Variants in FAT4 observed in about 807,000 individuals in gnomAD.
FAT4 encodes the protein FAT atypical cadherin 4, also known as protocadherin Fat 4.
FAT4 carries 84 observed loss-of-function variants against 303.9 expected under a neutral mutation model. The observed-to-expected ratio is 0.28, with a 90% confidence interval of 0.23 to 0.33. The LOEUF (loss-of-function observed/expected upper bound fraction) is 0.33, where lower values mean the gene tolerates loss of function less well. Ranked by LOEUF, FAT4 falls within the 10% of genes least tolerant of loss-of-function variation. The pLI, the probability that FAT4 is intolerant of heterozygous loss-of-function variation, is 1.00. For synonymous variants in FAT4, 2,307 were observed against 2,298.8 expected, an observed-to-expected ratio of 1.00 and a Z score of -0.10; for missense variants, 6,005 against 6,146.8, an observed-to-expected ratio of 0.98 and a Z score of 0.77.
rs923452862 is a variant in FAT4, at chr4:125,487,752, T to C, written c.13084+146T>C. The C allele has an allele frequency of 5.2e-6, 4 of 765,268 alleles. No homozygotes were observed. In the African/African-American group the frequency reaches 7.2e-5, roughly 14 times the overall value. 47.4% of individuals were successfully genotyped at this position (765,268 alleles called of 1,614,324 possible). A position where few individuals can be genotyped will look rare whatever the true frequency, so the allele number is the denominator to read the frequency against. On this transcript the variant is annotated intron_variant, in intron 17 of 17. Coordinates refer to ENST00000394329, the MANE Select transcript of FAT4 (RefSeq NM_001291303.3). ...TCAATAAAATTTATGTTTAAAAAAGTAGTTTGATGTCTGATAATATCAATT... is the reference window on the plus strand; with the variant it reads ...TCAATAAAATTTATGTTTAAAAAAGCAGTTTGATGTCTGATAATATCAATT...
intron 8 of FAT4, 198 bp from the exon 9 acceptor site, chr4:125,446,095 G>A (rs540847581): frequency 3.1e-5 from 15 of 482,354 alleles, no homozygotes; most frequent in South Asian, 1.6e-4. Context: ...GACATCTCAC[G>A]ATAAAGACTG....
At position 125,449,863 on chromosome 4, in the gene FAT4, T is replaced by A; in HGVS notation, c.8853T>A (p.His2951Gln). The change falls in exon 10 of 18, where the codon CAT (histidine) becomes CAA (glutamine). Residue 2951 changes from histidine to glutamine, a missense_variant. Coordinates refer to ENST00000394329, the MANE Select transcript of FAT4 (RefSeq NM_001291303.3). The part of the protein sequence containing the change: ...TGFSNVNINR[H>Q]SFIVTSSDRG... Reference sequence around the variant, plus strand: ...TCAGTAATGTGAATATCAACAGGCATAGTTTTATAGTGACATCTTCAGATC... The same window carrying A: ...TCAGTAATGTGAATATCAACAGGCAAAGTTTTATAGTGACATCTTCAGATC... 1 of 1,613,924 alleles carries A rather than the reference T, an allele frequency of 6.2e-7. No homozygotes were observed.
intron 2 of FAT4, among the ~76,000 whole-genome samples, chr4:125,373,037 C>G (rs1242222137): frequency 6.6e-6 from 1 of 151,960 alleles, no homozygotes; most frequent in Admixed American, 6.6e-5. Flanking sequence ...TAAAACATTA[C>G]CTTTTATTAT....
intron 2 of FAT4, among the ~76,000 whole-genome samples, chr4:125,392,306 A>G (rs1260249990): frequency 6.6e-6 from 1 of 152,136 alleles, no homozygotes; most frequent in Non-Finnish European, 1.5e-5. Context: ...GAGACAATTA[A>G]TTTTGGAGTG....
chr4:125,387,993 T>C (rs904251306), intron 2 of FAT4, among the ~76,000 whole-genome samples: 1 of 152,316 alleles, frequency 6.6e-6, no homozygotes, highest in South Asian at 2.1e-4. Flanking sequence ...TTCTCTAGGC[T>C]AGACTCAACT....
At chr4:125,467,614 T>C (rs1306977475) in intron 11 of FAT4, among the ~76,000 whole-genome samples, 3 of 152,200 alleles carry the variant, frequency 2.0e-5, no homozygotes, top group Non-Finnish European at 4.4e-5. Context: ...TAGCCTGCTA[T>C]AAATCATACC....
Position 125,320,350 on chromosome 4 carries a change from T to G in FAT4, c.3939T>G (p.Pro1313=), listed in dbSNP as rs1045111379. ...TTTTAGATGAAAATGACAATACCCC[T>G]TCTTTCCCTAAATCAACACTCTTTG... ...IDILDENDNT[P]SFPKSTLFVD... The change falls in exon 2 of 18, where the codon CCT becomes CCG. Residue 1313 remains proline, a synonymous_variant. Coordinates refer to ENST00000394329, the MANE Select transcript of FAT4 (RefSeq NM_001291303.3). The G allele has an allele frequency of 9.9e-6, 16 of 1,613,846 alleles. No individual in the cohort carries two copies. In the Admixed American group the frequency reaches 2.3e-4, roughly 24 times the overall value.
intron 10 of FAT4, among the ~76,000 whole-genome samples, chr4:125,460,663 A>G (rs889666045): frequency 6.6e-6 from 1 of 151,984 alleles, no homozygotes; most frequent in African/African-American, 2.4e-5. Context: ...TATGTACCAC[A>G]TTTTCTTTAT....
rs1352704282 is a variant in FAT4, at chr4:125,318,110, C to T, written c.1699C>T (p.Gln567Ter). ...AGTTCACCCCAAGGTGTCCTATGCC[C>T]AGCTTGTAGTAACTCTCCTAGATGT... ...QGVHPKVSYA[Q>*]LVVTLLDVND... Residue 567 changes from glutamine (Q) to a stop codon, truncating the protein, a stop_gained, in exon 2 of 18, where the codon CAG (glutamine) becomes TAG (stop). Coordinates refer to ENST00000394329, the MANE Select transcript of FAT4 (RefSeq NM_001291303.3). LOFTEE classifies it high-confidence loss of function. The T allele has an allele frequency of 6.2e-7, 1 of 1,613,982 alleles. No homozygotes were observed. The highest frequency in any genetic ancestry group is 1.3e-5 in the African/African-American group (1 of 74,898).
intron 10 of FAT4, among the ~76,000 whole-genome samples, chr4:125,460,357 C>A (rs534821518): frequency 2.6e-5 from 4 of 151,828 alleles, no homozygotes; most frequent in South Asian, 2.1e-4. Flanking sequence ...TCACAGGGTT[C>A]GTTATACAGA....
chr4:125,347,606 CATAA>C (rs1235437645), intron 2 of FAT4, among the ~76,000 whole-genome samples: 1 of 151,302 alleles, frequency 6.6e-6, no homozygotes, highest in African/African-American at 2.4e-5. Context: ...AAATATAAAT[CATAA>C]ATAAAAATTA....
intron 17 of FAT4, 56 bp from the exon 18 acceptor site, chr4:125,489,845 C>CCCTTTTT: frequency 2.2e-6 from 1 of 465,040 alleles, no homozygotes; most frequent in Non-Finnish European, 3.1e-6. Context: ...GTAGTATAAG[C>CCCTTTTT]TCTTTTTTTT....
chr4:125,334,362 C>T (rs1482207366), intron 2 of FAT4, among the ~76,000 whole-genome samples: 1 of 152,100 alleles, frequency 6.6e-6, no homozygotes, highest in Non-Finnish European at 1.5e-5. Context: ...CCCATCCCAT[C>T]CATATTGTTG....
chr4:125,467,481 G>A (rs1461152260), intron 11 of FAT4, among the ~76,000 whole-genome samples: 1 of 152,152 alleles, frequency 6.6e-6, no homozygotes, highest in African/African-American at 2.4e-5. Flanking sequence ...ACTAATATTT[G>A]TGGGAAAAGA....
chr4:125,353,308 G>T (rs1223037939), intron 2 of FAT4, among the ~76,000 whole-genome samples: 1 of 151,672 alleles, frequency 6.6e-6, no homozygotes, highest in Admixed American at 6.6e-5. Flanking sequence ...CACAAACAAA[G>T]AAACTATTCA....
intron 2 of FAT4, among the ~76,000 whole-genome samples, chr4:125,338,425 T>C (rs1360606848): frequency 6.6e-6 from 1 of 152,212 alleles, no homozygotes; most frequent in Non-Finnish European, 1.5e-5. Flanking sequence ...CATCCTCAAC[T>C]ATCATTCCAG....
At chr4:125,369,861 G>C (rs930086414) in intron 2 of FAT4, among the ~76,000 whole-genome samples, 2 of 151,958 alleles carry the variant, frequency 1.3e-5, no homozygotes, top group African/African-American at 4.8e-5. Flanking sequence ...GATATAAATG[G>C]AATCATACAT....
chr4:125,361,020 A>G (rs1480800238), intron 2 of FAT4, among the ~76,000 whole-genome samples: 2 of 142,726 alleles, frequency 1.4e-5, no homozygotes, highest in Non-Finnish European at 3.1e-5. Flanking sequence ...TTAAATATTT[A>G]TTAAATGAGT....
Position 125,415,159 on chromosome 4 carries a change from G to A in FAT4, c.6196G>A (p.Asp2066Asn). Residue 2066 changes from aspartate to asparagine, a missense_variant, in exon 6 of 18, where the codon GAT (aspartate) becomes AAT (asparagine). Physicochemically the swap from Asp to Asn is conservative, Grantham distance 23 (BLOSUM62 1). Transcript: ENST00000394329. ...ATACATTCCAGAAAATACACCTATT[G>A]ATACTGTTGTTTTCAAAGCTCAAGC... Reference protein sequence around the residue: ...LTYIPENTPIDTVVFKAQATD... With the variant: ...LTYIPENTPINTVVFKAQATD... The A allele has an allele frequency of 6.2e-7, 1 of 1,614,016 alleles. No individual in the cohort carries two copies.
Sources: allele counts gnomAD v4.1 joint callset (sites outside exome capture counted in the v4.1 genomes callset), GRCh38; gene constraint gnomAD v4.1.1; transcripts MANE v1.5; gene names NCBI Gene and HGNC (gene_info 2026-07-23, HGNC 2026-07-21).